IPO7: variants seen among roughly 807,000 people sequenced by gnomAD.
The protein encoded by IPO7 is importin-7.
IPO7 carries 13 observed loss-of-function variants against 136.4 expected under a neutral mutation model. That is an observed-to-expected ratio of 0.10 (90% CI 0.06 to 0.15). The LOEUF (loss-of-function observed/expected upper bound fraction) is 0.15, where lower values mean the gene tolerates loss of function less well. IPO7 is among the 10% of genes least tolerant of loss of function. IPO7 has a pLI of 1.00. For missense variants in IPO7, 857 were observed against 1,240.6 expected (o/e 0.69, Z 4.65); for synonymous variants, 403 against 404.4 (o/e 1.00, Z 0.04).
rs992266138 is a variant in IPO7 at position 9,413,899 on chromosome 11, G to C, written c.480-356G>C. Among the ~76,000 whole-genome samples the C allele has an allele frequency of 1.9e-4, 28 of 150,808 alleles. 1 individual carries two copies. Among genetic ancestry groups the C allele is most frequent in the African/African-American group, 6.6e-4 (27 of 40,608 alleles). ...TCACAGTTAGAGACTGCATAGTCAA[G>C]TGGTTAAGAGGGCAGACCTTGGATT... On this transcript the variant is annotated intron_variant, in intron 4 of 24. Transcript: ENST00000379719.
At chr11:9,423,196 T>C in intron 9 of IPO7, 56 bp downstream of exon 9, 1 of 1,217,184 alleles carries the variant, frequency 8.2e-7, no homozygotes, top group South Asian at 1.7e-5. Context: ...ATGACATCAA[T>C]TGCCATAAAG....
chr11:9,437,664 T>A, intron 20 of IPO7, 90 bp from the exon 21 acceptor site: 1 of 899,912 alleles, frequency 1.1e-6, no homozygotes, highest in Non-Finnish European at 1.7e-6. Context: ...TACAATAGGG[T>A]TAATTGAGGC....
intron 12 of IPO7, among the ~76,000 whole-genome samples, chr11:9,427,954 G>A (rs1019157998): frequency 6.6e-6 from 1 of 152,126 alleles, no homozygotes; most frequent in Non-Finnish European, 1.5e-5. Flanking sequence ...TTAATGTGCA[G>A]TTTAAGGAAC....
intron 18 of IPO7, among the ~76,000 whole-genome samples, chr11:9,434,596 A>T (rs886890854): frequency 6.6e-6 from 1 of 152,190 alleles, no homozygotes; most frequent in African/African-American, 2.4e-5. Context: ...GGGAGTTCTC[A>T]ACCAGCCTGG....
chr11:9,388,031 C>T (rs1854576178), intron 1 of IPO7, among the ~76,000 whole-genome samples: 2 of 150,266 alleles, frequency 1.3e-5, no homozygotes, highest in African/African-American at 4.9e-5. Context: ...CCTGTAATCC[C>T]AGCTACTAGG....
chr11:9,401,152 G>T (rs183767291), intron 1 of IPO7, among the ~76,000 whole-genome samples: 585 of 151,602 alleles, frequency 3.9e-3, no homozygotes, highest in African/African-American at 0.014. Flanking sequence ...TTGCACTCCA[G>T]CTTGGGCGAG....
intron 5 of IPO7, among the ~76,000 whole-genome samples, chr11:9,415,487 A>G (rs1349721086): frequency 6.6e-6 from 1 of 152,192 alleles, no homozygotes; most frequent in Non-Finnish European, 1.5e-5. Flanking sequence ...GTACACAGTA[A>G]TGGCTTTTAT....
At chr11:9,428,677 T>C in intron 13 of IPO7, 48 bp downstream of exon 13, 1 of 994,076 alleles carries the variant, frequency 1.0e-6, no homozygotes, top group Non-Finnish European at 1.6e-6. Flanking sequence ...TTGTAATGAA[T>C]GACTCTGTGG....
At chr11:9,397,964 C>G (rs1012847325) in intron 1 of IPO7, among the ~76,000 whole-genome samples, 1 of 152,142 alleles carries the variant, frequency 6.6e-6, no homozygotes, top group Non-Finnish European at 1.5e-5. Context: ...AGTGGCATCA[C>G]CTAGATTTAC....
At chr11:9,440,999 T>C (rs1565005430) in intron 23 of IPO7, among the ~76,000 whole-genome samples, 1 of 152,216 alleles carries the variant, frequency 6.6e-6, no homozygotes, top group Admixed American at 6.5e-5. Flanking sequence ...TTGTTGTATG[T>C]TATTATTTGT....
chr11:9,396,881 G>A (rs995908396), intron 1 of IPO7, among the ~76,000 whole-genome samples: 2 of 152,108 alleles, frequency 1.3e-5, no homozygotes, highest in Non-Finnish European at 2.9e-5. Flanking sequence ...TGCTGTGAAA[G>A]TTGGGGTAAA....
intron 8 of IPO7, 68 bp downstream of exon 8, chr11:9,420,766 TC>T: frequency 9.2e-7 from 1 of 1,087,100 alleles, no homozygotes; most frequent in Non-Finnish European, 1.4e-6. Context: ...TATTGCTTAT[TC>T]CCAGTTTCTT....
chr11:9,440,180 G>C (rs1855443242), intron 22 of IPO7, among the ~76,000 whole-genome samples: 1 of 152,142 alleles, frequency 6.6e-6, no homozygotes, highest in African/African-American at 2.4e-5. Context: ...TCTTACAAAA[G>C]GTTTGGTGGG....
At chr11:9,387,740 A>T (rs1854571343) in intron 1 of IPO7, among the ~76,000 whole-genome samples, 2 of 151,750 alleles carry the variant, frequency 1.3e-5, no homozygotes, top group African/African-American at 4.8e-5. Flanking sequence ...CTGAGGCAGA[A>T]GAATCGCTTG....
chr11:9,423,766 T>A lies in IPO7; in HGVS notation c.1042-11T>A. The A allele has an allele frequency of 6.5e-7, 1 of 1,528,206 alleles. No homozygotes were observed. Among genetic ancestry groups the A allele is most frequent in the Non-Finnish European group, 8.9e-7 (1 of 1,123,912 alleles). The allele number at this position is 1,528,206 out of a possible 1,614,324, so 94.7% of individuals were successfully genotyped here. A position where few individuals can be genotyped will look rare whatever the true frequency, so the allele number is the denominator to read the frequency against. ...CTGATGGTTATTGTTTTCTTAACTT[T>A]TAAATTGCAGGGCATTATCCAAGAT... On this transcript the variant is annotated splice_polypyrimidine_tract_variant and intron_variant, in intron 9 of 24. Transcript: ENST00000379719.
intron 13 of IPO7, 73 bp from the exon 14 acceptor site, chr11:9,428,958 T>A: frequency 7.4e-7 from 1 of 1,355,912 alleles, no homozygotes; most frequent in Non-Finnish European, 1.1e-6. Context: ...CACACAGAAC[T>A]CAGGGAATAG....
At chr11:9,397,588 T>A (rs1420125513) in intron 1 of IPO7, among the ~76,000 whole-genome samples, 1 of 151,434 alleles carries the variant, frequency 6.6e-6, no homozygotes, top group Non-Finnish European at 1.5e-5. Flanking sequence ...TCTGGGGTTC[T>A]AATCATATAA....
chr11:9,408,422 C>A, intron 2 of IPO7, 64 bp from the exon 3 acceptor site: 1 of 1,087,770 alleles, frequency 9.2e-7, no homozygotes, highest in Non-Finnish European at 1.3e-6. Flanking sequence ...GGTATGGACA[C>A]TTGTGGGATT....
chr11:9,427,353 T>G (rs889927608), intron 12 of IPO7, among the ~76,000 whole-genome samples: 9 of 152,054 alleles, frequency 5.9e-5, no homozygotes, highest in Admixed American at 5.9e-4. Context: ...CTCCACCTCC[T>G]GAGTTCAAGC....
Sources: allele counts gnomAD v4.1 joint callset (sites outside exome capture counted in the v4.1 genomes callset), GRCh38; gene constraint gnomAD v4.1.1; transcripts MANE v1.5; gene names NCBI Gene and HGNC (gene_info 2026-07-23, HGNC 2026-07-21).